Variants in SLC39A11 observed in about 807,000 individuals in gnomAD.
The protein encoded by SLC39A11 is solute carrier family 39 member 11.
In SLC39A11, 33 loss-of-function variants were observed where a neutral mutation model predicts 36.1. The observed-to-expected ratio is 0.91, with a 90% CI of 0.69 to 1.22. SLC39A11 has a LOEUF of 1.22. Among genes scored for constraint, SLC39A11 ranks in the 50% most tolerant of loss-of-function variants. SLC39A11 has a pLI of 0.00. For synonymous variants in SLC39A11, 166 were observed against 170.3 expected (o/e 0.97, Z 0.20); for missense variants, 432 against 430.3 (o/e 1.00, Z -0.03).
intron 5 of SLC39A11, among the ~76,000 whole-genome samples, chr17:72,918,890 C>T (rs188726454): frequency 7.9e-5 from 12 of 152,076 alleles, no homozygotes; most frequent in Admixed American, 2.6e-4. Flanking sequence ...TGGTGAAACC[C>T]CATCTCTACT....
chr17:72,829,544 A>T (rs1017574602), intron 6 of SLC39A11, among the ~76,000 whole-genome samples: 1 of 152,108 alleles, frequency 6.6e-6, no homozygotes, highest in Non-Finnish European at 1.5e-5. Flanking sequence ...TCAGGACTTT[A>T]ACTTAGAGGC....
chr17:72,877,803 T>G (rs1253550085), intron 5 of SLC39A11, among the ~76,000 whole-genome samples: 4 of 151,668 alleles, frequency 2.6e-5, no homozygotes, highest in African/African-American at 9.7e-5. Flanking sequence ...ATTTTTATTT[T>G]TTTATTTTTA....
rs532767216 is a variant in SLC39A11 at position 72,728,470 on chromosome 17, C to G, written c.671+8180G>C. 2.6e-5 allele frequency among the ~76,000 whole-genome samples: 4 copies of G among 151,462 alleles called. No homozygotes were observed. The South Asian group carries it at 8.3e-4, about 32-fold the overall frequency. Reference sequence around the variant, plus strand: ...GAAAGGGAAAGGGAAAGGAAAGGAACAAAGGAACAGGGAGGTCAGATAGTA... The same window carrying G: ...GAAAGGGAAAGGGAAAGGAAAGGAAGAAAGGAACAGGGAGGTCAGATAGTA... On this transcript the variant is annotated intron_variant, in intron 7 of 9. Coordinates refer to ENST00000255559, the MANE Select transcript of SLC39A11 (RefSeq NM_139177.4).
chr17:72,823,017 T>C (rs960435036), intron 6 of SLC39A11, among the ~76,000 whole-genome samples: 2 of 151,250 alleles, frequency 1.3e-5, no homozygotes, highest in African/African-American at 4.8e-5. Context: ...ATTATAGGCA[T>C]GAGCCACTGT....
chr17:72,753,286 G>A (rs933439197), intron 6 of SLC39A11, among the ~76,000 whole-genome samples: 7 of 152,058 alleles, frequency 4.6e-5, no homozygotes, highest in Admixed American at 3.9e-4. Context: ...TTCCCCACAT[G>A]CCTGCACACA....
chr17:72,987,154 C>T (rs1197017920), intron 4 of SLC39A11, among the ~76,000 whole-genome samples: 1 of 152,170 alleles, frequency 6.6e-6, no homozygotes, highest in Non-Finnish European at 1.5e-5. Flanking sequence ...TTCTTTTGCT[C>T]CTTCGCTTGT....
intron 7 of SLC39A11, among the ~76,000 whole-genome samples, chr17:72,669,510 T>C (rs1325319555): frequency 6.6e-6 from 1 of 152,218 alleles, no homozygotes; most frequent in Non-Finnish European, 1.5e-5. Flanking sequence ...ATTGAGGTTA[T>C]CCTTTTTTGG....
At chr17:73,044,552 TAGG>T (rs1454039801) in intron 3 of SLC39A11, among the ~76,000 whole-genome samples, 1 of 152,152 alleles carries the variant, frequency 6.6e-6, no homozygotes, top group Non-Finnish European at 1.5e-5. Context: ...ACTTAGGGAC[TAGG>T]AGCTCTTTCA....
intron 6 of SLC39A11, among the ~76,000 whole-genome samples, chr17:72,843,364 A>G (rs2078903921): frequency 6.6e-6 from 1 of 152,318 alleles, no homozygotes; most frequent in African/African-American, 2.4e-5. Context: ...ATGTCTCCCC[A>G]GAATTCATAT....
At chr17:72,739,101 A>G (rs1167163436) in intron 6 of SLC39A11, among the ~76,000 whole-genome samples, 1 of 149,938 alleles carries the variant, frequency 6.7e-6, no homozygotes, top group Non-Finnish European at 1.5e-5. Context: ...AGCTGTGATC[A>G]CTGTAAGCTG....
At chr17:72,837,514 A>G (rs1283418128) in intron 6 of SLC39A11, among the ~76,000 whole-genome samples, 1 of 152,228 alleles carries the variant, frequency 6.6e-6, no homozygotes, top group African/African-American at 2.4e-5. Context: ...CAAAGAGTTC[A>G]AAGGTTTCCA....
intron 7 of SLC39A11, among the ~76,000 whole-genome samples, chr17:72,705,631 G>T (rs557776299): frequency 2.0e-5 from 3 of 152,164 alleles, no homozygotes; most frequent in Non-Finnish European, 4.4e-5. Context: ...GATGGCGGAG[G>T]TTGGATTTTG....
At chr17:72,743,220 C>A (rs2074787403) in intron 6 of SLC39A11, among the ~76,000 whole-genome samples, 1 of 150,926 alleles carries the variant, frequency 6.6e-6, no homozygotes. Context: ...GGCCGTAAAC[C>A]GCAGTCTCTC....
At chr17:72,948,198 G>T (rs3816910) in intron 4 of SLC39A11, among the ~76,000 whole-genome samples, 6 of 150,540 alleles carry the variant, frequency 4.0e-5, no homozygotes, top group African/African-American at 1.5e-4. Flanking sequence ...CGTCATCGCC[G>T]CACACACACA....
At chr17:72,831,699 A>AT (rs1247768390) in intron 6 of SLC39A11, among the ~76,000 whole-genome samples, 2 of 152,142 alleles carry the variant, frequency 1.3e-5, no homozygotes, top group Admixed American at 6.5e-5. Flanking sequence ...TTCTAATTAA[A>AT]TTTTTTCAGT....
At chr17:73,005,293 T>C (rs772649027) in intron 4 of SLC39A11, among the ~76,000 whole-genome samples, 16 of 152,156 alleles carry the variant, frequency 1.1e-4, no homozygotes, top group Non-Finnish European at 1.9e-4. Flanking sequence ...ACACAACGTT[T>C]TGTTAAGCCT....
intron 3 of SLC39A11, among the ~76,000 whole-genome samples, chr17:73,075,548 A>G (rs1030897643): frequency 1.3e-4 from 20 of 152,266 alleles, no homozygotes; most frequent in Middle Eastern, 3.4e-3. Flanking sequence ...CAGTCAGACT[A>G]TGGGTTCAAA....
At chr17:72,680,756 G>T (rs2071477755) in intron 7 of SLC39A11, among the ~76,000 whole-genome samples, 1 of 152,126 alleles carries the variant, frequency 6.6e-6, no homozygotes, top group Admixed American at 6.5e-5. Context: ...ATGTTTCAAG[G>T]TTCATCCATA....
At chr17:72,861,715 G>T (rs1332443733) in intron 5 of SLC39A11, among the ~76,000 whole-genome samples, 39 of 51,982 alleles carry the variant, frequency 7.5e-4, no homozygotes, top group Non-Finnish European at 9.2e-4. Flanking sequence ...ATATATATAG[G>T]ATATATATAT....
Sources: allele counts gnomAD v4.1 joint callset (sites outside exome capture counted in the v4.1 genomes callset), GRCh38; gene constraint gnomAD v4.1.1; transcripts MANE v1.5; gene names NCBI Gene and HGNC (gene_info 2026-07-23, HGNC 2026-07-21).